The following SPRED2 variants were observed in gnomAD, a reference collection of about 807,000 sequenced individuals.
SPRED2 encodes the protein sprouty related EVH1 domain containing 2, also known as sprouty-related, EVH1 domain-containing protein 2.
SPRED2 carries 47 observed loss-of-function variants against 43.0 expected under a neutral mutation model. The observed-to-expected ratio is 1.09, with a 90% CI of 0.87 to 1.40. The LOEUF is 1.40. Among genes scored for constraint, SPRED2 ranks in the 40% most tolerant of loss-of-function variants. The pLI, the probability that SPRED2 is intolerant of heterozygous loss-of-function variation, is 0.00. For missense variants in SPRED2, 561 were observed against 586.4 expected (o/e 0.96, Z 0.45); for synonymous variants, 225 against 225.7 (o/e 1.00, Z 0.03).
intron 2 of SPRED2, among the ~76,000 whole-genome samples, chr2:65,339,134 C>T (rs1168719777): frequency 4.4e-5 from 6 of 135,942 alleles, no homozygotes; most frequent in Middle Eastern, 3.9e-3. Context: ...GCCAGCCGCC[C>T]GGTCCAGGAG....
Position 65,392,825 on chromosome 2 carries a change from C to T in SPRED2, c.26+39137G>A, listed in dbSNP as rs368431388. 1.5e-3 allele frequency among the ~76,000 whole-genome samples: 234 copies of T among 152,316 alleles called. 1 individual carries two copies. The highest frequency in any genetic ancestry group is 5.5e-3 in the African/African-American group (228 of 41,568). On this transcript the variant is annotated intron_variant, in intron 1 of 5. Coordinates refer to ENST00000356388, the MANE Select transcript of SPRED2 (RefSeq NM_181784.3). ...GCCAGGGACACTCAGTCCTCCCCCT[C>T]CTCCAAGCCCTTGTCTTCCTAAGGG... is the stretch of plus-strand genomic sequence containing the variant.
chr2:65,328,356 C>T (rs1673706953), intron 4 of SPRED2, among the ~76,000 whole-genome samples: 1 of 152,114 alleles, frequency 6.6e-6, no homozygotes, highest in Admixed American at 6.6e-5. Flanking sequence ...TGTACTGAAA[C>T]TTAGTTGGAT....
intron 3 of SPRED2, among the ~76,000 whole-genome samples, chr2:65,333,259 CAAAAA>C (rs200576180): frequency 1.1e-5 from 1 of 93,618 alleles, no homozygotes. Flanking sequence ...GACTCCATCT[CAAAAA>C]AAAAAAAAAA....
intron 2 of SPRED2, among the ~76,000 whole-genome samples, chr2:65,335,219 C>T (rs1207087151): frequency 6.6e-6 from 1 of 152,162 alleles, no homozygotes; most frequent in East Asian, 1.9e-4. Context: ...ATACCAATCC[C>T]TCTCCACTCT....
Position 65,317,031 on chromosome 2 carries a change from T to C in SPRED2, c.439-148A>G, listed in dbSNP as rs939094985. ...CCCAAAATCTTGAGTTTGTCTTGGC[T>C]ACAACAGGAGGACCCCTGAATGGCC... On this transcript the variant is annotated intron_variant, in intron 4 of 5. Coordinates refer to ENST00000356388, the MANE Select transcript of SPRED2 (RefSeq NM_181784.3). 8 of 840,746 alleles carry C rather than the reference T, an allele frequency of 9.5e-6. No homozygotes were observed. The Admixed American group carries it at 1.6e-4, about 17-fold the overall frequency. The allele number at this position is 840,746 out of a possible 1,614,324, so 52.1% of individuals were successfully genotyped here.
At chr2:65,390,404 G>A (rs151285261) in intron 1 of SPRED2, among the ~76,000 whole-genome samples, 15 of 152,324 alleles carry the variant, frequency 9.8e-5, no homozygotes, top group African/African-American at 3.6e-4. Flanking sequence ...TGGGACTGGA[G>A]TGAGCCTGGC....
chr2:65,308,573 C>T (rs1382828230), downstream of SPRED2: 3 of 985,250 alleles, frequency 3.0e-6, no homozygotes, highest in Non-Finnish European at 3.6e-6. Context: ...TTCCTCAGGG[C>T]CTCAGAATAA....
chr2:65,418,830 C>T (rs1357643958), intron 1 of SPRED2, among the ~76,000 whole-genome samples: 2 of 152,044 alleles, frequency 1.3e-5, no homozygotes, highest in Non-Finnish European at 2.9e-5. Context: ...GCTGGGATTA[C>T]AGGTATGAGC....
At chr2:65,343,800 G>A (rs1175940798) in intron 2 of SPRED2, among the ~76,000 whole-genome samples, 3 of 152,112 alleles carry the variant, frequency 2.0e-5, no homozygotes, top group East Asian at 1.9e-4. Flanking sequence ...CCCCACCCTT[G>A]GGAGGTGATG....
chr2:65,309,182 G>C (rs12476109), downstream of SPRED2, among the ~76,000 whole-genome samples: 1 of 150,388 alleles, frequency 6.6e-6, no homozygotes, highest in Non-Finnish European at 1.5e-5. Context: ...TCATTAAAGT[G>C]TTTTAATAGA....
chr2:65,386,834 T>C (rs1675514313), intron 1 of SPRED2, among the ~76,000 whole-genome samples: 1 of 152,242 alleles, frequency 6.6e-6, no homozygotes, highest in Non-Finnish European at 1.5e-5. Flanking sequence ...ACCTGCACGT[T>C]GTGCACATGT....
At chr2:65,335,968 A>C (rs1412658297) in intron 2 of SPRED2, among the ~76,000 whole-genome samples, 1 of 152,234 alleles carries the variant, frequency 6.6e-6, no homozygotes, top group Non-Finnish European at 1.5e-5. Context: ...ATTTAGACTA[A>C]ATGAAGGACA....
intron 1 of SPRED2, among the ~76,000 whole-genome samples, chr2:65,397,397 T>G (rs1675781458): frequency 6.6e-6 from 1 of 152,180 alleles, no homozygotes; most frequent in African/African-American, 2.4e-5. Flanking sequence ...CAGAATGGGT[T>G]GTGGCTTATG....
At chr2:65,339,100 G>T (rs1213893371) in intron 2 of SPRED2, among the ~76,000 whole-genome samples, 9 of 55,094 alleles carry the variant, frequency 1.6e-4, no homozygotes, top group Non-Finnish European at 2.4e-4. Flanking sequence ...GGGAGGTTGG[G>T]CGGGGGGTCA....
At position 65,327,572 on chromosome 2, in the gene SPRED2, ATCTTCTGAGACCT is replaced by A. The variant is rs562656058; in HGVS notation, c.438+4402_438+4414del. Among the ~76,000 whole-genome samples, 50 of 152,220 alleles carry A rather than the reference ATCTTCTGAGACCT, an allele frequency of 3.3e-4. No individual in the cohort carries two copies. The South Asian group carries it at 9.6e-3, about 29-fold the overall frequency. On this transcript the variant is annotated intron_variant, in intron 4 of 5. Transcript: ENST00000356388. ...TTAGAAGATAAAGGAGTCCCCACCCATCTTCTGAGACCTTCTTCTGACACCCCACCCTGTGTTG... is the reference window on the plus strand; with the variant it reads ...TTAGAAGATAAAGGAGTCCCCACCCATCTTCTGACACCCCACCCTGTGTTG...
chr2:65,360,109 A>G (rs1674769592), intron 1 of SPRED2, among the ~76,000 whole-genome samples: 1 of 150,312 alleles, frequency 6.7e-6, no homozygotes, highest in Non-Finnish European at 1.5e-5. Flanking sequence ...ACAAAAAAAA[A>G]AAAAACAAAG....
rs532377379 is a variant in SPRED2, at chr2:65,336,561, C to T, written c.205-1788G>A. Among the ~76,000 whole-genome samples the T allele has an allele frequency of 3.6e-3, 542 of 152,212 alleles. 1 individual carries two copies. The highest frequency in any genetic ancestry group is 6.0e-3 in the Non-Finnish European group (407 of 68,002). The stretch of plus-strand genomic sequence containing the variant: ...TTAAATTGCTTATTATAGCCATTTC[C>T]CCCTAAGAATAGCACAATGATTAAA... On this transcript the variant is annotated intron_variant, in intron 2 of 5. Transcript: ENST00000356388.
intron 5 of SPRED2, 106 bp from the exon 6 acceptor site, chr2:65,314,275 C>T: frequency 9.6e-7 from 1 of 1,039,854 alleles, no homozygotes; most frequent in Non-Finnish European, 1.4e-6. Flanking sequence ...ATGCACCTTT[C>T]TCGATAACTC....
chr2:65,375,397 T>A (rs1474088966), intron 1 of SPRED2, among the ~76,000 whole-genome samples: 1 of 152,176 alleles, frequency 6.6e-6, no homozygotes, highest in African/African-American at 2.4e-5. Context: ...GTAGGGGAGA[T>A]GACAAGTCCC....
Sources: allele counts gnomAD v4.1 joint callset (sites outside exome capture counted in the v4.1 genomes callset), GRCh38; gene constraint gnomAD v4.1.1; transcripts MANE v1.5; gene names NCBI Gene and HGNC (gene_info 2026-07-23, HGNC 2026-07-21).